The following FAT4 variants were observed in gnomAD, a reference collection of about 807,000 sequenced individuals.
The protein encoded by FAT4 is FAT atypical cadherin 4.
Under a neutral mutation model 303.9 loss-of-function variants are expected in FAT4, and 84 were observed. That is an observed-to-expected ratio of 0.28 (90% CI 0.23 to 0.33). The LOEUF is 0.33. Ranked by LOEUF, FAT4 falls within the 10% of genes least tolerant of loss-of-function variation. The pLI is 1.00. For missense variants in FAT4, 6,005 were observed against 6,146.8 expected (o/e 0.98, Z 0.77); for synonymous variants, 2,307 against 2,298.8 (o/e 1.00, Z -0.10).
At chr4:125,440,060 G>T (rs966916482) in intron 8 of FAT4, among the ~76,000 whole-genome samples, 6 of 151,984 alleles carry the variant, frequency 3.9e-5, no homozygotes, top group Non-Finnish European at 5.9e-5. Flanking sequence ...TTAATTCAAG[G>T]TTTCTTTTTT....
chr4:125,408,635 G>A lies in FAT4; in HGVS notation c.5761G>A (p.Gly1921Ser), dbSNP rs370906656. The change falls in exon 5 of 18, where the codon GGT (glycine) becomes AGT (serine). Residue 1921 changes from glycine (G) to serine (S), a missense_variant. Coordinates refer to ENST00000394329, the MANE Select transcript of FAT4 (RefSeq NM_001291303.3). ...YYILTVRAED[G>S]GGQFTTIRVY... ...TATCCTCACTGTTCGAGCAGAAGAT[G>A]GTGGGGGACAATTTACTACCATCAG... 1.4e-5 allele frequency: 23 copies of A among 1,611,132 alleles called. No individual in the cohort carries two copies. Among genetic ancestry groups the A allele is most frequent in the Middle Eastern group, 1.7e-4 (1 of 6,038 alleles).
At chr4:125,484,091 ACACACG>A (rs1353322355) in intron 16 of FAT4, among the ~76,000 whole-genome samples, 1 of 149,826 alleles carries the variant, frequency 6.7e-6, no homozygotes, top group Non-Finnish European at 1.5e-5. Context: ...ACACACACAC[ACACACG>A]CAGACAGAAG....
intron 16 of FAT4, among the ~76,000 whole-genome samples, chr4:125,483,650 G>A (rs1578696379): frequency 6.6e-6 from 1 of 151,716 alleles, no homozygotes; most frequent in Admixed American, 6.6e-5. Context: ...AGGAAAGTAA[G>A]TGCAAATTAA....
chr4:125,426,164 G>T (rs1725079737), intron 7 of FAT4, among the ~76,000 whole-genome samples: 1 of 152,008 alleles, frequency 6.6e-6, no homozygotes, highest in Non-Finnish European at 1.5e-5. Context: ...GGTCAGAATT[G>T]TGTAATATGA....
intron 2 of FAT4, among the ~76,000 whole-genome samples, chr4:125,348,758 G>A (rs555896363): frequency 2.6e-5 from 4 of 151,708 alleles, no homozygotes; most frequent in South Asian, 2.1e-4. Flanking sequence ...AATTGTGATC[G>A]AAGCCGACAT....
At chr4:125,445,554 C>T (rs993437604) in intron 8 of FAT4, among the ~76,000 whole-genome samples, 2 of 152,104 alleles carry the variant, frequency 1.3e-5, no homozygotes, top group Non-Finnish European at 2.9e-5. Flanking sequence ...CTACTTCTTT[C>T]CTGGCTGATC....
chr4:125,366,461 G>A (rs561402015), intron 2 of FAT4, among the ~76,000 whole-genome samples: 1 of 152,218 alleles, frequency 6.6e-6, no homozygotes, highest in Admixed American at 6.5e-5. Context: ...AGTATTCCAT[G>A]GTGTGTATGT....
intron 2 of FAT4, among the ~76,000 whole-genome samples, chr4:125,346,945 G>A (rs916750483): frequency 6.6e-6 from 1 of 151,914 alleles, no homozygotes; most frequent in Admixed American, 6.6e-5. Context: ...TTGTGAAAGT[G>A]TTACCCTCTC....
In FAT4 at chr4:125,316,619, T is replaced by C. The variant is rs1730610400; in HGVS notation, c.208T>C (p.Phe70Leu). ...LVGTIQTRPGFTYRLSESHAL... is the reference protein window; with the variant it reads ...LVGTIQTRPGLTYRLSESHAL... ...AGGCACCATCCAGACGCGCCCCGGC[T>C]TCACCTACAGGCTCAGCGAAAGCCA... Residue 70 changes from phenylalanine (F) to leucine (L), a missense_variant, in exon 2 of 18, where the codon TTC becomes CTC. By Grantham distance (22) the Phe-to-Leu change is conservative (BLOSUM62 0). Transcript: ENST00000394329. The surrounding 1 kb of genome is among the most constrained non-coding windows in gnomAD (Gnocchi z 5.7). The C allele has an allele frequency of 3.1e-6, 5 of 1,613,826 alleles. No individual in the cohort carries two copies. The highest frequency in any genetic ancestry group is 2.7e-5 in the African/African-American group (2 of 74,912).
At chr4:125,416,706 G>T (rs1735089135) in intron 7 of FAT4, 84 bp downstream of exon 7, 3 of 1,409,490 alleles carry the variant, frequency 2.1e-6, no homozygotes, top group East Asian at 4.6e-5. Context: ...AGCACTTTGG[G>T]AGGCCAAGGT....
At chr4:125,330,032 T>A (rs1426530565) in intron 2 of FAT4, among the ~76,000 whole-genome samples, 8 of 152,204 alleles carry the variant, frequency 5.3e-5, no homozygotes, top group African/African-American at 1.9e-4. Context: ...AGACATCTTC[T>A]TGTTGATTTC....
chr4:125,388,955 C>CT (rs1733873330), intron 2 of FAT4, among the ~76,000 whole-genome samples: 1 of 152,138 alleles, frequency 6.6e-6, no homozygotes, highest in East Asian at 1.9e-4. Flanking sequence ...GGAACATGTG[C>CT]TGCTGACTGT....
intron 8 of FAT4, among the ~76,000 whole-genome samples, chr4:125,440,200 C>A (rs2126048960): frequency 6.6e-6 from 1 of 152,226 alleles, no homozygotes; most frequent in Middle Eastern, 3.4e-3. Context: ...TCTGGAATGG[C>A]TGCTTTTACT....
chr4:125,324,837 A>T (rs1265279302), intron 2 of FAT4, among the ~76,000 whole-genome samples: 4 of 152,180 alleles, frequency 2.6e-5, no homozygotes, highest in South Asian at 2.1e-4. Context: ...GAAATTAAAA[A>T]TATTTGTTAA....
chr4:125,360,385 C>G (rs1324362731), intron 2 of FAT4, among the ~76,000 whole-genome samples: 1 of 152,126 alleles, frequency 6.6e-6, no homozygotes, highest in Non-Finnish European at 1.5e-5. Context: ...ACGTTTCCCA[C>G]ACAGGCTTGT....
At chr4:125,426,369 T>C (rs1725087522) in intron 7 of FAT4, among the ~76,000 whole-genome samples, 2 of 152,058 alleles carry the variant, frequency 1.3e-5, no homozygotes, top group Admixed American at 6.6e-5. Context: ...TGCCTTCAAT[T>C]ACCAGACATG....
intron 2 of FAT4, among the ~76,000 whole-genome samples, chr4:125,345,089 C>T (rs557528672): frequency 1.3e-5 from 2 of 152,184 alleles, no homozygotes; most frequent in South Asian, 4.1e-4. Flanking sequence ...AAACAAAGGT[C>T]ATCCTTTATT....
chr4:125,421,014 T>A lies in FAT4; in HGVS notation c.7018+4392T>A, dbSNP rs541884264. On this transcript the variant is annotated intron_variant, in intron 7 of 17. Transcript: ENST00000394329. ...GGCATGATCTTGGCTCACTGCAACCTTCGCCTCCCGGGTTCAAACAATTCT... is the reference window on the plus strand; with the variant it reads ...GGCATGATCTTGGCTCACTGCAACCATCGCCTCCCGGGTTCAAACAATTCT... 2.0e-5 allele frequency among the ~76,000 whole-genome samples: 3 copies of A among 152,316 alleles called. No homozygotes were observed. The East Asian group carries it at 5.8e-4, about 29-fold the overall frequency.
intron 13 of FAT4, 75 bp downstream of exon 13, chr4:125,476,331 T>C (rs1727028989): frequency 1.4e-6 from 1 of 717,038 alleles, no homozygotes; most frequent in African/African-American, 1.8e-5. Flanking sequence ...TAAAAATAAT[T>C]ATAGGATGCT....
Sources: gnomAD v4.1 joint callset for allele counts (sites outside exome capture counted in the v4.1 genomes callset) on GRCh38, gnomAD v4.1.1 for gene constraint, Gnocchi (gnomAD v3.1) non-coding constraint, MANE v1.5 for transcripts, NCBI Gene and HGNC (gene_info 2026-07-23, HGNC 2026-07-21) for gene names.